PPP6R1: variants seen among roughly 807,000 people sequenced by gnomAD.
PPP6R1 encodes serine/threonine-protein phosphatase 6 regulatory subunit 1.
In PPP6R1, 39 loss-of-function variants were observed where a neutral mutation model predicts 104.6. That is an observed-to-expected ratio of 0.37 (90% confidence interval 0.29 to 0.49). The LOEUF (loss-of-function observed/expected upper bound fraction) is 0.49, where lower values mean the gene tolerates loss of function less well. PPP6R1 is among the 20% of genes least tolerant of loss of function. The pLI is 0.98. For synonymous variants in PPP6R1, 549 were observed against 479.0 expected (o/e 1.15, Z -1.91); for missense variants, 1,181 against 1,155.8 (o/e 1.02, Z -0.32).
intron 1 of PPP6R1, among the ~76,000 whole-genome samples, chr19:55,257,433 G>A (rs960035041): frequency 6.6e-6 from 1 of 152,194 alleles, no homozygotes; most frequent in Non-Finnish European, 1.5e-5. Context: ...GAGCGAGCAA[G>A]AAAGACCCCA....
At chr19:55,255,033 C>A (rs550368463) in intron 1 of PPP6R1, among the ~76,000 whole-genome samples, 1 of 152,176 alleles carries the variant, frequency 6.6e-6, no homozygotes, top group Non-Finnish European at 1.5e-5. Flanking sequence ...GAAGGGGGAG[C>A]GGCCCAAGGC....
At chr19:55,244,183 GC>G (rs779270228) in intron 5 of PPP6R1, among the ~76,000 whole-genome samples, 4 of 152,194 alleles carry the variant, frequency 2.6e-5, no homozygotes, top group Non-Finnish European at 5.9e-5. Context: ...ACAGGGACAG[GC>G]CCCAGCCTGG....
intron 17 of PPP6R1, among the ~76,000 whole-genome samples, chr19:55,235,573 C>T (rs1201934740): frequency 3.3e-5 from 5 of 150,308 alleles, no homozygotes; most frequent in Admixed American, 1.3e-4. Flanking sequence ...GGCTGGAGTA[C>T]AGTGGCGCAA....
At chr19:55,237,193 A>T (rs1019960340) in intron 15 of PPP6R1, among the ~76,000 whole-genome samples, 4 of 152,018 alleles carry the variant, frequency 2.6e-5, no homozygotes, top group Non-Finnish European at 5.9e-5. Flanking sequence ...AAAACCACTC[A>T]TTGAGGTAGG....
chr19:55,233,205 A>G (rs2087365576), intron 17 of PPP6R1: 1 of 152,252 alleles, frequency 6.6e-6, no homozygotes, highest in African/African-American at 2.4e-5. Flanking sequence ...TTTTGTCTTA[A>G]CAGAGTAACT....
At chr19:55,247,705 AG>A (rs2087521834) in intron 1 of PPP6R1, among the ~76,000 whole-genome samples, 1 of 152,172 alleles carries the variant, frequency 6.6e-6, no homozygotes, top group Admixed American at 6.5e-5. Flanking sequence ...GGGCGGCGGC[AG>A]GGGGAAGAGA....
At position 55,245,159 on chromosome 19, in the gene PPP6R1, C is replaced by T. The variant is rs1352805877; in HGVS notation, c.579G>A (p.Gln193=). 6.2e-7 allele frequency: 1 copy of T among 1,613,516 alleles called. No homozygotes were observed. Among genetic ancestry groups the T allele is most frequent in the East Asian group, 2.2e-5 (1 of 44,870 alleles). The stretch of plus-strand genomic sequence containing the variant: ...ACGGGTGGATCTGCTCAATCAGCCG[C>T]TGGACGATCTTCTCCTCGTTGAGCC... The part of the protein sequence containing the change: ...VNWLNEEKIV[Q]RLIEQIHPSK... The change falls in exon 5 of 24, where the codon CAG becomes CAA. Residue 193 remains glutamine, a synonymous_variant. Transcript: ENST00000412770. This position sits in a 1 kb window ranked among gnomAD's most constrained non-coding sequence, Gnocchi z 6.4.
intron 10 of PPP6R1, 123 bp downstream of exon 10, chr19:55,240,822 G>A (rs1003696503): frequency 1.6e-5 from 21 of 1,349,042 alleles, no homozygotes; most frequent in Admixed American, 4.9e-5. Flanking sequence ...CCATCTGGGC[G>A]CTGGCACCTA....
chr19:55,244,468 T>C (rs2122654853), intron 5 of PPP6R1, among the ~76,000 whole-genome samples: 1 of 151,662 alleles, frequency 6.6e-6, no homozygotes, highest in East Asian at 1.9e-4. Context: ...CAGCAAGGGG[T>C]TCAATCAGGC....
intron 17 of PPP6R1, chr19:55,232,429 C>A (rs184869767): frequency 1.6e-5 from 10 of 627,832 alleles, no homozygotes; most frequent in Non-Finnish European, 2.6e-5. Flanking sequence ...GGACAGAATG[C>A]GGCCGTAAGG....
downstream of PPP6R1, chr19:55,228,839 C>T: frequency 8.1e-7 from 1 of 1,233,080 alleles, no homozygotes; most frequent in Non-Finnish European, 1.2e-6. Flanking sequence ...AAGGAGCGTC[C>T]TGTGGACTCT....
At chr19:55,248,211 G>C (rs141331034) in intron 1 of PPP6R1, among the ~76,000 whole-genome samples, 69 of 152,300 alleles carry the variant, frequency 4.5e-4, no homozygotes, top group African/African-American at 1.5e-3. Context: ...AATGGTCCTG[G>C]CTCTGCATGT....
At chr19:55,235,603 C>T (rs953513499) in intron 17 of PPP6R1, among the ~76,000 whole-genome samples, 1 of 151,702 alleles carries the variant, frequency 6.6e-6, no homozygotes, top group African/African-American at 2.4e-5. Flanking sequence ...ACTGCAAGCT[C>T]CGCCTTCCGG....
At chr19:55,234,102 A>G (rs11879801) in intron 17 of PPP6R1, among the ~76,000 whole-genome samples, 65,680 of 151,936 alleles carry the variant, frequency 0.43, 14,568 homozygotes, top group East Asian at 0.72. Context: ...GGCACCCACC[A>G]CAGCCGGCTA....
rs188117973 is a variant in PPP6R1, at chr19:55,252,642, C to T, written c.-6-5533G>A. 2.8e-4 allele frequency among the ~76,000 whole-genome samples: 42 copies of T among 151,978 alleles called. No homozygotes were observed. The South Asian group carries it at 5.6e-3, about 20-fold the overall frequency. On this transcript the variant is annotated intron_variant, in intron 1 of 23. Coordinates refer to ENST00000412770, the MANE Select transcript of PPP6R1 (RefSeq NM_014931.4). The stretch of plus-strand genomic sequence containing the variant: ...GTCTCGAACTACTGACCTTGTGATC[C>T]GCCTGCCTGGGCCTCCCAAAGCACT...
rs1457172073 is a variant in PPP6R1 at position 55,230,805 on chromosome 19, G to A, written c.2539C>T (p.Pro847Ser). 6.9e-6 allele frequency: 11 copies of A among 1,600,594 alleles called. No homozygotes were observed. The highest frequency in any genetic ancestry group is 3.4e-5 in the Admixed American group (2 of 59,498). Residue 847 changes from proline (P) to serine (S), a missense_variant, in exon 22 of 24, where the codon CCA (proline) becomes TCA (serine). Physicochemically the swap from Pro to Ser is moderately conservative, Grantham distance 74. Coordinates refer to ENST00000412770, the MANE Select transcript of PPP6R1 (RefSeq NM_014931.4). ...CTTTGGGGAAGCCCCAAGGGCTCTG[G>A]GCTCTTCTCCCCTTCTGTGGTCTGG... ...PPQTTEGEKSPEPLGLPQSQS... is the reference protein window; with the variant it reads ...PPQTTEGEKSSEPLGLPQSQS...
At chr19:55,255,448 C>T (rs1600119604) in intron 1 of PPP6R1, among the ~76,000 whole-genome samples, 1 of 152,138 alleles carries the variant, frequency 6.6e-6, no homozygotes. Flanking sequence ...TGGCCTAGAC[C>T]AAGGATCTCA....
At chr19:55,246,791 G>GC (rs2087512515) in intron 2 of PPP6R1, 86 bp downstream of exon 2, 2 of 1,225,632 alleles carry the variant, frequency 1.6e-6, no homozygotes, top group Admixed American at 2.6e-5. Flanking sequence ...TGACACTGAC[G>GC]CATTTCAGGG....
At chr19:55,247,464 C>T (rs541702771) in intron 1 of PPP6R1, 12 of 272,528 alleles carry the variant, frequency 4.4e-5, no homozygotes, top group Non-Finnish European at 7.8e-5. Context: ...GCAGGGCCTG[C>T]GAGAAGAGGC....
Sources: gnomAD v4.1 joint callset for allele counts (sites outside exome capture counted in the v4.1 genomes callset) on GRCh38, gnomAD v4.1.1 for gene constraint, Gnocchi (gnomAD v3.1) non-coding constraint, MANE v1.5 for transcripts, NCBI Gene and HGNC (gene_info 2026-07-23, HGNC 2026-07-21) for gene names.